RBM26: variants seen among roughly 807,000 people sequenced by gnomAD.
RBM26 encodes the protein RNA binding motif protein 26, also known as RNA-binding protein 26.
A neutral mutation model predicts 123.6 loss-of-function variants in RBM26; 30 were observed. That is an observed-to-expected ratio of 0.24 (90% CI 0.18 to 0.33). The LOEUF (loss-of-function observed/expected upper bound fraction) is 0.33, where lower values mean the gene tolerates loss of function less well. Ranked by LOEUF, RBM26 falls within the 10% of genes least tolerant of loss-of-function variation. The pLI is 1.00. For missense variants in RBM26, 947 were observed against 1,203.6 expected, an observed-to-expected ratio of 0.79 and a Z score of 3.15; for synonymous variants, 400 against 404.4, an observed-to-expected ratio of 0.99 and a Z score of 0.13.
chr13:79,368,411 T>G (rs2075558116), intron 6 of RBM26, among the ~76,000 whole-genome samples: 1 of 152,202 alleles, frequency 6.6e-6, no homozygotes, highest in Non-Finnish European at 1.5e-5. Flanking sequence ...CAATAATCAC[T>G]CATTCTAAAG....
At chr13:79,329,435 C>A (rs2068956188) in intron 20 of RBM26, among the ~76,000 whole-genome samples, 1 of 151,486 alleles carries the variant, frequency 6.6e-6, no homozygotes, top group Non-Finnish European at 1.5e-5. Context: ...CCCCTAGTAC[C>A]CAAACTGTAG....
chr13:79,333,005 T>TA (rs1372718271), intron 20 of RBM26, among the ~76,000 whole-genome samples: 2 of 152,112 alleles, frequency 1.3e-5, no homozygotes, highest in East Asian at 1.9e-4. Flanking sequence ...ATAATACCAC[T>TA]ATTCCCTAGA....
chr13:79,382,713 T>TG (rs569237523), intron 1 of RBM26, among the ~76,000 whole-genome samples: 34 of 152,124 alleles, frequency 2.2e-4, no homozygotes, highest in Non-Finnish European at 2.6e-4. Flanking sequence ...GTGAAATGGC[T>TG]GGGGGGGAAA....
At chr13:79,353,621 T>C (rs1314780424) in intron 13 of RBM26, among the ~76,000 whole-genome samples, 2 of 152,180 alleles carry the variant, frequency 1.3e-5, no homozygotes, top group African/African-American at 4.8e-5. Context: ...TTGGTGATAA[T>C]TTGGGATGAT....
At chr13:79,324,705 A>AT (rs1286291246) in intron 20 of RBM26, among the ~76,000 whole-genome samples, 3 of 151,384 alleles carry the variant, frequency 2.0e-5, no homozygotes, top group African/African-American at 7.3e-5. Flanking sequence ...TATTAAGACT[A>AT]TTTTTTTTAA....
chr13:79,331,420 A>G (rs1452960404), intron 20 of RBM26, among the ~76,000 whole-genome samples: 1 of 148,456 alleles, frequency 6.7e-6, no homozygotes, highest in East Asian at 2.1e-4. Flanking sequence ...GGAGATCGAG[A>G]CCATCCTGGC....
chr13:79,315,388 T>C (rs1488678686), downstream of RBM26, among the ~76,000 whole-genome samples: 14 of 151,838 alleles, frequency 9.2e-5, no homozygotes, highest in Non-Finnish European at 5.9e-5. Flanking sequence ...TTCTTAAGGT[T>C]TCCCAAAGAT....
chr13:79,326,413 C>T (rs1387774197), intron 20 of RBM26, among the ~76,000 whole-genome samples: 2 of 151,948 alleles, frequency 1.3e-5, no homozygotes, highest in African/African-American at 2.4e-5. Context: ...TGGGCTAGGA[C>T]GTAGTGGTCA....
At chr13:79,383,940 G>A (rs527985404) in intron 1 of RBM26, among the ~76,000 whole-genome samples, 22 of 152,130 alleles carry the variant, frequency 1.4e-4, no homozygotes, top group African/African-American at 4.3e-4. Context: ...ATGGCTATCC[G>A]GAAAAGAAAA....
intron 1 of RBM26, among the ~76,000 whole-genome samples, chr13:79,404,927 G>A (rs1177585241): frequency 6.6e-6 from 1 of 152,060 alleles, no homozygotes; most frequent in African/African-American, 2.4e-5. Flanking sequence ...TATTAAATAC[G>A]TGAATTTTCC....
At chr13:79,376,023 A>G (rs1267524614) in intron 3 of RBM26, among the ~76,000 whole-genome samples, 1 of 152,066 alleles carries the variant, frequency 6.6e-6, no homozygotes, top group Non-Finnish European at 1.5e-5. Context: ...AGAACCTTTA[A>G]TATTTCCATT....
chr13:79,315,450 C>A (rs1051777321), downstream of RBM26, among the ~76,000 whole-genome samples: 3 of 151,730 alleles, frequency 2.0e-5, no homozygotes, highest in African/African-American at 7.2e-5. Context: ...ATATGATAAT[C>A]ACTTCATTTG....
chr13:79,405,784 C>T lies in RBM26; in HGVS notation c.-10G>A. On this transcript the variant is annotated 5_prime_UTR_variant, in exon 1 of 22. Coordinates refer to ENST00000438737, the MANE Select transcript of RBM26 (RefSeq NM_001366735.2). ...TCATTTTAGAAACCATCCACAGCGGCCCTAAGGCCCGTCACACTCCTCCGC... is the reference window on the plus strand; with the variant it reads ...TCATTTTAGAAACCATCCACAGCGGTCCTAAGGCCCGTCACACTCCTCCGC... The T allele has an allele frequency of 1.3e-6, 2 of 1,548,104 alleles. No individual in the cohort carries two copies. The highest frequency in any genetic ancestry group is 2.5e-5 in the East Asian group (1 of 39,310).
intron 11 of RBM26, 86 bp from the exon 12 acceptor site, chr13:79,355,470 G>GGGAAT: frequency 1.0e-6 from 1 of 952,412 alleles, no homozygotes; most frequent in Non-Finnish European, 1.6e-6. Context: ...TGAAATACTG[G>GGGAAT]TCCTTCCAAG....
At chr13:79,402,805 A>T (rs1301233217) in intron 1 of RBM26, among the ~76,000 whole-genome samples, 2 of 152,064 alleles carry the variant, frequency 1.3e-5, no homozygotes, top group Non-Finnish European at 2.9e-5. Context: ...AGACTTCAAC[A>T]CCTATCTTTC....
chr13:79,353,515 A>C (rs977466749), intron 13 of RBM26, among the ~76,000 whole-genome samples: 1 of 152,348 alleles, frequency 6.6e-6, no homozygotes. Flanking sequence ...GAAAATCTCA[A>C]ATTTTAAAAA....
At chr13:79,322,256 G>C in intron 21 of RBM26, 93 bp downstream of exon 21, 2 of 789,548 alleles carry the variant, frequency 2.5e-6, no homozygotes, top group African/African-American at 1.8e-5. Context: ...AGGAATAAAA[G>C]TTTTATGTTA....
intron 1 of RBM26, among the ~76,000 whole-genome samples, chr13:79,397,699 A>G (rs1159576827): frequency 6.6e-6 from 1 of 150,860 alleles, no homozygotes; most frequent in Non-Finnish European, 1.5e-5. Flanking sequence ...AAAAAAAAAA[A>G]AAAAGAAATG....
intron 1 of RBM26, among the ~76,000 whole-genome samples, chr13:79,390,487 G>A (rs115213176): frequency 0.048 from 7,284 of 152,170 alleles, 526 homozygotes; most frequent in African/African-American, 0.15. Context: ...CAGGGCAAGG[G>A]TAATGTTATC....
Sources: allele counts gnomAD v4.1 joint callset (sites outside exome capture counted in the v4.1 genomes callset), GRCh38; gene constraint gnomAD v4.1.1; transcripts MANE v1.5; gene names NCBI Gene and HGNC (gene_info 2026-07-23, HGNC 2026-07-21).